The following TTC28 variants were observed in gnomAD, a reference collection of about 807,000 sequenced individuals.
TTC28 encodes tetratricopeptide repeat domain 28, also known as tetratricopeptide repeat protein 28.
TTC28 carries 61 observed loss-of-function variants against 198.0 expected under a neutral mutation model. The ratio of observed to expected loss-of-function variants is 0.31; its 90% confidence interval spans 0.25 to 0.38. TTC28 has a LOEUF of 0.38. Among genes scored for constraint, TTC28 ranks in the 10% least tolerant of loss-of-function variants. The probability of loss-of-function intolerance (pLI) is 1.00; values close to 1 mark genes in which losing one functional copy is unlikely to be tolerated. For synonymous variants in TTC28, 1,171 were observed against 1,297.8 expected (o/e 0.90, Z 2.10); for missense variants, 2,678 against 3,164.0 (o/e 0.85, Z 3.69).
chr22:28,285,201 T>A (rs1240027090), intron 5 of TTC28, among the ~76,000 whole-genome samples: 8 of 152,090 alleles, frequency 5.3e-5, no homozygotes, highest in Non-Finnish European at 1.5e-5. Flanking sequence ...TACAATGAAA[T>A]ATTATTCAGC....
chr22:28,565,069 G>C lies in TTC28; in HGVS notation c.381+64483C>G, dbSNP rs545090636. On this transcript the variant is annotated intron_variant, in intron 2 of 22. Coordinates refer to ENST00000397906, the MANE Select transcript of TTC28 (RefSeq NM_001145418.2). ...AATATGACTGCCTGCCAAAAGTGAA[G>C]ATCCCTACTATATTCGATGAGGCTC... Among the ~76,000 whole-genome samples, 6 of 151,854 alleles carry C rather than the reference G, an allele frequency of 4.0e-5. No homozygotes were observed. The South Asian group carries it at 1.2e-3, about 32-fold the overall frequency.
At chr22:28,121,245 C>T (rs1409708598) in intron 6 of TTC28, among the ~76,000 whole-genome samples, 2 of 152,176 alleles carry the variant, frequency 1.3e-5, no homozygotes, top group Non-Finnish European at 2.9e-5. Flanking sequence ...ATTACAGAAA[C>T]CTGTGAAAAT....
chr22:28,030,474 C>T (rs1375729526), intron 12 of TTC28, 108 bp from the exon 13 acceptor site: 27 of 1,382,164 alleles, frequency 2.0e-5, no homozygotes, highest in African/African-American at 7.2e-5. Context: ...CCTCTAGTAC[C>T]GTTGTCTCCA....
chr22:28,089,115 A>G (rs2146840227), intron 12 of TTC28, among the ~76,000 whole-genome samples: 1 of 152,344 alleles, frequency 6.6e-6, no homozygotes, highest in Non-Finnish European at 1.5e-5. Flanking sequence ...GCGATTCCTC[A>G]GGGATCTAGA....
At chr22:28,096,918 C>T (rs1488090282) in intron 10 of TTC28, among the ~76,000 whole-genome samples, 1 of 152,054 alleles carries the variant, frequency 6.6e-6, no homozygotes, top group Non-Finnish European at 1.5e-5. Flanking sequence ...GATTCTCCTG[C>T]CTCAACTTCC....
chr22:28,256,152 C>T (rs976209672), intron 5 of TTC28, among the ~76,000 whole-genome samples: 3 of 149,972 alleles, frequency 2.0e-5, no homozygotes, highest in South Asian at 2.1e-4. Context: ...ATGGGTGTGG[C>T]GGCTCATGCC....
intron 6 of TTC28, among the ~76,000 whole-genome samples, chr22:28,148,752 T>G (rs1253003490): frequency 1.3e-5 from 2 of 152,190 alleles, no homozygotes; most frequent in African/African-American, 4.8e-5. Flanking sequence ...AGGTATAATA[T>G]AAAATGTACA....
rs552799716 is a variant in TTC28 at position 28,131,222 on chromosome 22, A to T, written c.1442-22819T>A. Among the ~76,000 whole-genome samples the T allele has an allele frequency of 3.2e-4, 49 of 152,354 alleles. 1 individual carries two copies. The East Asian group carries it at 7.9e-3, about 25-fold the overall frequency. ...AAAGGCTTGGTTCTGTTTCTAAATT[A>T]AAAACACATTTTTTTTTCTCTAAGG... On this transcript the variant is annotated intron_variant, in intron 6 of 22. Transcript: ENST00000397906.
intron 2 of TTC28, among the ~76,000 whole-genome samples, chr22:28,578,600 C>A (rs900220389): frequency 6.6e-6 from 1 of 152,010 alleles, no homozygotes; most frequent in Non-Finnish European, 1.5e-5. Flanking sequence ...ATCAGATGGG[C>A]AGTCCAGTAT....
In TTC28 at chr22:28,107,743, A is replaced by C; in HGVS notation, c.2102T>G (p.Leu701Arg). Residue 701 changes from leucine (L) to arginine (R), a missense_variant, in exon 7 of 23, where the codon CTG (leucine) becomes CGG (arginine). Around this residue, in one of 8 missense-constraint regions of TTC28, gnomAD observed 775 missense variants for 845.9 expected, o/e 0.92. Coordinates refer to ENST00000397906, the MANE Select transcript of TTC28 (RefSeq NM_001145418.2). Reference sequence around the variant, plus strand: ...ATTATTCAGAGACTGGGCTAGGGACAGTAGGTACTTCTGACACTCTTCAGC... The same window carrying C: ...ATTATTCAGAGACTGGGCTAGGGACCGTAGGTACTTCTGACACTCTTCAGC... ...SKAEECQKYL[L>R]SLAQSLNNSQ... 6.4e-7 allele frequency: 1 copy of C among 1,551,972 alleles called. No individual in the cohort carries two copies. Among genetic ancestry groups the C allele is most frequent in the Non-Finnish European group, 8.7e-7 (1 of 1,147,044 alleles).
chr22:28,157,350 T>C (rs942753419), intron 6 of TTC28, among the ~76,000 whole-genome samples: 2 of 152,202 alleles, frequency 1.3e-5, no homozygotes, highest in Non-Finnish European at 2.9e-5. Flanking sequence ...GATGGCTTCA[T>C]TGATGAATTC....
intron 2 of TTC28, among the ~76,000 whole-genome samples, chr22:28,428,604 A>G (rs1190620833): frequency 8.2e-6 from 1 of 121,332 alleles, no homozygotes; most frequent in East Asian, 2.3e-4. Flanking sequence ...CATTTCATGA[A>G]TTATTATTTT....
chr22:28,101,908 T>C (rs1942168218), intron 8 of TTC28, among the ~76,000 whole-genome samples: 1 of 151,882 alleles, frequency 6.6e-6, no homozygotes, highest in African/African-American at 2.4e-5. Flanking sequence ...GGTAGCAACA[T>C]TTCCAGGATG....
At chr22:28,224,403 G>C (rs1928128486) in intron 5 of TTC28, among the ~76,000 whole-genome samples, 1 of 152,124 alleles carries the variant, frequency 6.6e-6, no homozygotes, top group African/African-American at 2.4e-5. Context: ...GGGCCGCTCT[G>C]TTCTCAAACC....
At chr22:28,325,362 CTCT>C (rs1177232639) in intron 2 of TTC28, among the ~76,000 whole-genome samples, 3 of 151,234 alleles carry the variant, frequency 2.0e-5, no homozygotes, top group African/African-American at 7.3e-5. Flanking sequence ...TGATTCTTCT[CTCT>C]TTTCTTCTTT....
intron 2 of TTC28, among the ~76,000 whole-genome samples, chr22:28,448,035 A>G (rs1026676641): frequency 2.0e-5 from 3 of 152,210 alleles, no homozygotes; most frequent in Admixed American, 2.0e-4. Flanking sequence ...TTACTATTGT[A>G]TCAATATTTT....
chr22:28,672,349 G>C (rs1750844926), intron 1 of TTC28, among the ~76,000 whole-genome samples: 1 of 152,016 alleles, frequency 6.6e-6, no homozygotes, highest in Non-Finnish European at 1.5e-5. Flanking sequence ...TGTATTTTTA[G>C]TAGAGACAGG....
chr22:28,638,332 ATAAT>A (rs1453782009), intron 1 of TTC28, among the ~76,000 whole-genome samples: 2 of 152,134 alleles, frequency 1.3e-5, no homozygotes, highest in African/African-American at 2.4e-5. Context: ...GGTAATTCAA[ATAAT>A]TAAATATTTT....
intron 5 of TTC28, among the ~76,000 whole-genome samples, chr22:28,170,731 T>C (rs1922590520): frequency 6.6e-6 from 1 of 152,104 alleles, no homozygotes; most frequent in Admixed American, 6.5e-5. Context: ...GTTCCTTCAA[T>C]GCAACTTCAT....
Sources: gnomAD v4.1 joint callset for allele counts (sites outside exome capture counted in the v4.1 genomes callset) on GRCh38, gnomAD v4.1.1 for gene constraint, gnomAD v4.1.1 regional missense constraint, MANE v1.5 for transcripts, NCBI Gene and HGNC (gene_info 2026-07-23, HGNC 2026-07-21) for gene names.